Variants in CDH10 observed in about 807,000 individuals in gnomAD.
CDH10 encodes cadherin-10.
Under a neutral mutation model 73.1 loss-of-function variants are expected in CDH10, and 30 were observed. The observed-to-expected ratio is 0.41, with a 90% CI of 0.31 to 0.56. The LOEUF (loss-of-function observed/expected upper bound fraction) is 0.56, where lower values mean the gene tolerates loss of function less well. Ranked by LOEUF, CDH10 falls within the 20% of genes least tolerant of loss-of-function variation. The pLI, the probability that CDH10 is intolerant of heterozygous loss-of-function variation, is 0.27. For missense variants in CDH10, 815 were observed against 973.7 expected (o/e 0.84, Z 2.17); for synonymous variants, 345 against 348.2 (o/e 0.99, Z 0.10).
intron 8 of CDH10, among the ~76,000 whole-genome samples, chr5:24,504,608 C>A (rs1226974971): frequency 6.9e-6 from 1 of 145,158 alleles, no homozygotes; most frequent in African/African-American, 2.5e-5. Context: ...TCACTGCAAC[C>A]TCTGCCTCCC....
At chr5:24,532,046 A>C (rs1054554820) in intron 5 of CDH10, among the ~76,000 whole-genome samples, 2 of 152,078 alleles carry the variant, frequency 1.3e-5, no homozygotes, top group African/African-American at 4.8e-5. Context: ...ATGGCTAGGG[A>C]GGGCAAAATT....
intron 2 of CDH10, among the ~76,000 whole-genome samples, chr5:24,588,957 C>G (rs1233759385): frequency 6.6e-6 from 1 of 152,154 alleles, no homozygotes; most frequent in African/African-American, 2.4e-5. Flanking sequence ...TTTACAAGTA[C>G]TGCAGAAATA....
chr5:24,556,432 A>G (rs1222328826), intron 2 of CDH10, among the ~76,000 whole-genome samples: 1 of 152,026 alleles, frequency 6.6e-6, no homozygotes, highest in Non-Finnish European at 1.5e-5. Flanking sequence ...TATATTAATA[A>G]ATAAAATGTA....
chr5:24,496,870 C>G (rs1742309888), intron 9 of CDH10, among the ~76,000 whole-genome samples: 2 of 152,132 alleles, frequency 1.3e-5, no homozygotes, highest in Non-Finnish European at 2.9e-5. Flanking sequence ...TTTAGTTTAA[C>G]CGAGGCATTT....
At chr5:24,563,664 G>A (rs1327936908) in intron 2 of CDH10, among the ~76,000 whole-genome samples, 6 of 145,232 alleles carry the variant, frequency 4.1e-5, no homozygotes, top group African/African-American at 1.1e-4. Context: ...CAGCTACTCC[G>A]GAGGCTGAGG....
chr5:24,553,282 GGT>G (rs1744619156), intron 2 of CDH10, among the ~76,000 whole-genome samples: 1 of 151,998 alleles, frequency 6.6e-6, no homozygotes, highest in African/African-American at 2.4e-5. Flanking sequence ...ATTGTTCCTT[GGT>G]GTGTGTATGT....
At chr5:24,641,360 A>G (rs1748044533) in intron 1 of CDH10, among the ~76,000 whole-genome samples, 1 of 151,968 alleles carries the variant, frequency 6.6e-6, no homozygotes, top group South Asian at 2.1e-4. Context: ...AAAATCTGTA[A>G]TTTTGAAGGT....
At chr5:24,574,454 G>A (rs929198374) in intron 2 of CDH10, among the ~76,000 whole-genome samples, 6 of 152,088 alleles carry the variant, frequency 3.9e-5, no homozygotes, top group Non-Finnish European at 7.3e-5. Flanking sequence ...AGATGAAAGT[G>A]TAGCAAACCA....
chr5:24,536,901 T>G (rs937047398), intron 3 of CDH10, among the ~76,000 whole-genome samples: 2 of 151,942 alleles, frequency 1.3e-5, no homozygotes, highest in Non-Finnish European at 2.9e-5. Flanking sequence ...GATTTTTTTA[T>G]GATGTTTAAT....
intron 6 of CDH10, 68 bp downstream of exon 6, chr5:24,511,259 C>T (rs3797168): frequency 0.13 from 121,380 of 909,236 alleles, 9,501 homozygotes; most frequent in Non-Finnish European, 0.15. Context: ...CATTCATGAG[C>T]GAAGAGTATA....
chr5:24,526,624 C>T (rs1390967931), intron 5 of CDH10, among the ~76,000 whole-genome samples: 4 of 151,818 alleles, frequency 2.6e-5, no homozygotes, highest in African/African-American at 4.8e-5. Context: ...AACCCTCAAA[C>T]CTTTTATCGA....
intron 2 of CDH10, among the ~76,000 whole-genome samples, chr5:24,572,975 G>A (rs1745448471): frequency 1.8e-5 from 2 of 109,372 alleles, no homozygotes; most frequent in African/African-American, 3.2e-5. Context: ...AGAGAAGACA[G>A]AACAAAAAGA....
At chr5:24,592,128 A>G (rs532956164) in intron 2 of CDH10, among the ~76,000 whole-genome samples, 2 of 151,958 alleles carry the variant, frequency 1.3e-5, no homozygotes, top group African/African-American at 2.4e-5. Flanking sequence ...AACCTTTAAT[A>G]TCATCTTTCT....
intron 5 of CDH10, among the ~76,000 whole-genome samples, chr5:24,512,950 G>C (rs983567247): frequency 2.0e-5 from 3 of 151,724 alleles, no homozygotes; most frequent in South Asian, 4.2e-4. Flanking sequence ...AGTTTTCTAG[G>C]CAAAACTTAA....
At chr5:24,624,133 G>A (rs1271024561) in intron 1 of CDH10, among the ~76,000 whole-genome samples, 2 of 151,982 alleles carry the variant, frequency 1.3e-5, no homozygotes, top group Admixed American at 6.6e-5. Context: ...ATCAAGGAGC[G>A]GTGTCCTGTG....
At chr5:24,589,672 C>T (rs1746136670) in intron 2 of CDH10, among the ~76,000 whole-genome samples, 1 of 151,756 alleles carries the variant, frequency 6.6e-6, no homozygotes. Flanking sequence ...AAAGTAAATT[C>T]AAGGCTTTAC....
intron 1 of CDH10, among the ~76,000 whole-genome samples, chr5:24,637,453 A>T (rs1239229431): frequency 6.6e-6 from 1 of 151,974 alleles, no homozygotes; most frequent in Non-Finnish European, 1.5e-5. Context: ...TTAGAGCACA[A>T]CTACTGATAT....
intron 2 of CDH10, among the ~76,000 whole-genome samples, chr5:24,564,713 C>T (rs1745104174): frequency 6.6e-6 from 1 of 152,184 alleles, no homozygotes; most frequent in Non-Finnish European, 1.5e-5. Context: ...TTCTTATTTG[C>T]AACTTTCTTC....
chr5:24,641,350 A>G (rs1042447871), intron 1 of CDH10, among the ~76,000 whole-genome samples: 8 of 152,146 alleles, frequency 5.3e-5, no homozygotes, highest in African/African-American at 1.9e-4. Flanking sequence ...GCATGAAAAA[A>G]AAATCTGTAA....
Sources: allele counts gnomAD v4.1 joint callset (sites outside exome capture counted in the v4.1 genomes callset), GRCh38; gene constraint gnomAD v4.1.1; transcripts MANE v1.5; gene names NCBI Gene and HGNC (gene_info 2026-07-23, HGNC 2026-07-21).